The following LINGO1 variants were observed in gnomAD, a reference collection of about 807,000 sequenced individuals.
LINGO1 encodes the protein leucine-rich repeat and immunoglobulin-like domain-containing nogo receptor-interacting protein 1.
In LINGO1, 11 loss-of-function variants were observed where a neutral mutation model predicts 37.3. That is an observed-to-expected ratio of 0.29 (90% CI 0.19 to 0.49). The LOEUF (loss-of-function observed/expected upper bound fraction) is 0.49. Among genes scored for constraint, LINGO1 ranks in the 20% least tolerant of loss-of-function variants. The pLI, the probability that LINGO1 is intolerant of heterozygous loss-of-function variation, is 0.99. For missense variants in LINGO1, 585 were observed against 878.2 expected (o/e 0.67, Z 4.22); for synonymous variants, 387 against 403.0 (o/e 0.96, Z 0.48).
chr15:77,688,628 A>C (rs2141244962), intron 2 of LINGO1, among the ~76,000 whole-genome samples: 1 of 152,278 alleles, frequency 6.6e-6, no homozygotes, highest in African/African-American at 2.4e-5. Context: ...AGGGCCTAGC[A>C]TTTGGCTGCA....
At chr15:77,770,805 A>C (rs2141402203) in intron 1 of LINGO1, among the ~76,000 whole-genome samples, 1 of 152,272 alleles carries the variant, frequency 6.6e-6, no homozygotes, top group Middle Eastern at 3.4e-3. Context: ...AGGAGAAGGG[A>C]ACTCCCAGCC....
At chr15:77,667,103 G>T (rs545465127) in intron 3 of LINGO1, 2 of 152,530 alleles carry the variant, frequency 1.3e-5, no homozygotes, top group East Asian at 3.9e-4. Context: ...AGGGTCTGGG[G>T]TCTGGGAGTG....
At chr15:77,620,068 G>A (rs1302534060) in intron 1 of LINGO1, among the ~76,000 whole-genome samples, 1 of 151,788 alleles carries the variant, frequency 6.6e-6, no homozygotes, top group East Asian at 1.9e-4. Flanking sequence ...CACGTCTGCG[G>A]GGTCACCCAA....
chr15:77,796,647 T>C (rs1186476276), intron 1 of LINGO1, among the ~76,000 whole-genome samples: 1 of 150,980 alleles, frequency 6.6e-6, no homozygotes, highest in Non-Finnish European at 1.5e-5. Flanking sequence ...GTGCCTCCCT[T>C]GGGCCTGAGC....
chr15:77,692,462 G>A (rs59320137), intron 1 of LINGO1, among the ~76,000 whole-genome samples: 8,493 of 152,280 alleles, frequency 0.056, 844 homozygotes, highest in African/African-American at 0.19. Context: ...CTTTTGTATG[G>A]CAATTGAACG....
chr15:77,693,538 C>T (rs1000041754), intron 1 of LINGO1, among the ~76,000 whole-genome samples: 10 of 152,118 alleles, frequency 6.6e-5, no homozygotes, highest in Non-Finnish European at 1.3e-4. Flanking sequence ...TGGATTTCAT[C>T]CCAAATGCAA....
At chr15:77,790,034 A>C (rs957920097), upstream of LINGO1, among the ~76,000 whole-genome samples, 1 of 152,102 alleles carries the variant, frequency 6.6e-6, no homozygotes, top group African/African-American at 2.4e-5. Context: ...AACCTCCTAA[A>C]GTGCTAGGAT....
upstream of LINGO1, among the ~76,000 whole-genome samples, chr15:77,789,694 T>C (rs1596233577): frequency 6.6e-6 from 1 of 152,166 alleles, no homozygotes; most frequent in Non-Finnish European, 1.5e-5. Flanking sequence ...GGGGTAGCCA[T>C]CTACAAGCCA....
chr15:77,773,498 A>T (rs976198766), intron 1 of LINGO1, among the ~76,000 whole-genome samples: 23 of 152,030 alleles, frequency 1.5e-4, no homozygotes, highest in Non-Finnish European at 3.2e-4. Flanking sequence ...TGCAGGCCAA[A>T]CTGTGCCTGG....
chr15:77,776,241 G>A (rs777004492), intron 1 of LINGO1, among the ~76,000 whole-genome samples: 18 of 151,314 alleles, frequency 1.2e-4, no homozygotes, highest in Non-Finnish European at 2.4e-4. Context: ...TGCTGTTCCC[G>A]AGGTCATCAC....
intron 3 of LINGO1, among the ~76,000 whole-genome samples, chr15:77,650,990 C>G (rs139506404): frequency 8.5e-5 from 13 of 152,180 alleles, no homozygotes; most frequent in Middle Eastern, 3.4e-3. Context: ...CAGAGTGGAT[C>G]TGGCCTCACT....
intron 1 of LINGO1, among the ~76,000 whole-genome samples, chr15:77,773,422 C>T (rs1010074571): frequency 5.9e-5 from 9 of 152,256 alleles, no homozygotes; most frequent in Admixed American, 5.2e-4. Flanking sequence ...GGCAGAGTCC[C>T]GACTTTACAG....
At chr15:77,732,395 C>T (rs956792673) in intron 2 of LINGO1, among the ~76,000 whole-genome samples, 1 of 152,232 alleles carries the variant, frequency 6.6e-6, no homozygotes, top group Non-Finnish European at 1.5e-5. Context: ...GGCCTAACAC[C>T]CACCCCCGTG....
intron 2 of LINGO1, among the ~76,000 whole-genome samples, chr15:77,714,413 C>A (rs145166829): frequency 1.0e-3 from 154 of 152,266 alleles, no homozygotes; most frequent in Middle Eastern, 3.4e-3. Context: ...CGGCCCCCTG[C>A]CCCTTGGAAA....
chr15:77,763,349 G>A (rs1418702107), intron 1 of LINGO1, among the ~76,000 whole-genome samples: 2 of 152,126 alleles, frequency 1.3e-5, no homozygotes, highest in Non-Finnish European at 2.9e-5. Flanking sequence ...GTGAGAAGGG[G>A]TTGGGGATGG....
chr15:77,621,760 C>T (rs537198089), intron 1 of LINGO1, among the ~76,000 whole-genome samples: 5 of 152,378 alleles, frequency 3.3e-5, no homozygotes, highest in South Asian at 2.1e-4. Context: ...CACTCCTTTC[C>T]TGTGCCTGCG....
chr15:77,786,896 T>C (rs556892210), exon 1 of LINGO1: 5 of 152,356 alleles, frequency 3.3e-5, no homozygotes, highest in Non-Finnish European at 7.3e-5. Flanking sequence ...TCCTCTTCTA[T>C]AAGAAGGGTG....
chr15:77,796,255 C>T, intron 1 of LINGO1, among the ~76,000 whole-genome samples: 1 of 152,224 alleles, frequency 6.6e-6, no homozygotes, highest in East Asian at 1.9e-4. Flanking sequence ...CAAACTCATG[C>T]TTACACACAT....
chr15:77,794,590 A>ATATATT (rs1381588807), intron 2 of LINGO1, among the ~76,000 whole-genome samples: 2 of 93,526 alleles, frequency 2.1e-5, no homozygotes, highest in African/African-American at 8.2e-5. Context: ...ATATATATAT[A>ATATATT]TTTTTTTTTT....
Sources: gnomAD v4.1 joint callset for allele counts (sites outside exome capture counted in the v4.1 genomes callset) on GRCh38, gnomAD v4.1.1 for gene constraint, MANE v1.5 for transcripts, NCBI Gene and HGNC (gene_info 2026-07-23, HGNC 2026-07-21) for gene names.